Variants in SVIP observed in about 807,000 individuals in gnomAD.
SVIP encodes the protein small VCP/p97-interacting protein.
SVIP carries 14 observed loss-of-function variants against 12.9 expected under a neutral mutation model. The observed-to-expected ratio is 1.08, with a 90% CI of 0.72 to 1.70. The LOEUF (loss-of-function observed/expected upper bound fraction) is 1.70, where lower values mean the gene tolerates loss of function less well. SVIP is among the 40% of genes most tolerant of loss of function. The pLI, the probability that SVIP is intolerant of heterozygous loss-of-function variation, is 0.00. For missense variants in SVIP, 93 were observed against 90.8 expected (o/e 1.02, Z -0.10); for synonymous variants, 35 against 33.3 (o/e 1.05, Z -0.17).
rs1288141377 is a variant in SVIP at position 22,820,800 on chromosome 11, C to T, written c.*2319G>A. On this transcript the variant is annotated 3_prime_UTR_variant, in exon 4 of 4. Transcript: ENST00000354193. ...ATAATTCACAACTTTTGTTAGCAGCCGTTAAGTTTGATTAGTATTAAGCAG... is the reference window on the plus strand; with the variant it reads ...ATAATTCACAACTTTTGTTAGCAGCTGTTAAGTTTGATTAGTATTAAGCAG... 2.0e-5 allele frequency: 3 copies of T among 151,852 alleles called. No homozygotes were observed. Among genetic ancestry groups the T allele is most frequent in the Admixed American group, 6.6e-5 (1 of 15,240 alleles). The allele number at this position is 151,852 out of a possible 1,614,324, so 9.4% of individuals were successfully genotyped here.
At chr11:22,827,766 G>T in intron 2 of SVIP, 58 bp downstream of exon 2, 2 of 1,392,526 alleles carry the variant, frequency 1.4e-6, no homozygotes, top group Non-Finnish European at 9.9e-7. Flanking sequence ...GGACATCTAT[G>T]AAGAATAAAG....
At chr11:22,824,264 C>A (rs992180708) in intron 3 of SVIP, among the ~76,000 whole-genome samples, 1 of 151,932 alleles carries the variant, frequency 6.6e-6, no homozygotes, top group African/African-American at 2.4e-5. Flanking sequence ...AAGGTCTTTT[C>A]CTTCTTGAGT....
rs542083080 is a variant in SVIP, at chr11:22,820,506, G to T, written c.*2613C>A. 2.6e-5 allele frequency: 4 copies of T among 152,226 alleles called. No homozygotes were observed. The South Asian group carries it at 8.3e-4, about 32-fold the overall frequency. The allele number at this position is 152,226 out of a possible 1,614,324, so 9.4% of individuals were successfully genotyped here. A position where few individuals can be genotyped will look rare whatever the true frequency, so the allele number is the denominator to read the frequency against. ...CTGTTGCTCTTCTGAATCCCAATGTGATTAAAATGTTCCTGAGGTTTCCCT... is the reference window on the plus strand; with the variant it reads ...CTGTTGCTCTTCTGAATCCCAATGTTATTAAAATGTTCCTGAGGTTTCCCT... On this transcript the variant is annotated 3_prime_UTR_variant, in exon 4 of 4. Transcript: ENST00000354193.
At position 22,822,834 on chromosome 11, in the gene SVIP, G is replaced by A. The variant is rs1208642716; in HGVS notation, c.*285C>T. On this transcript the variant is annotated 3_prime_UTR_variant, in exon 4 of 4. Coordinates refer to ENST00000354193, the MANE Select transcript of SVIP (RefSeq NM_148893.3). The stretch of plus-strand genomic sequence containing the variant: ...TATATGCAGAATGTTTACATGCAGT[G>A]TATGTATATTCACTATTTAGTTCCA... The A allele has an allele frequency of 5.4e-6, 2 of 368,080 alleles. No individual in the cohort carries two copies. Among genetic ancestry groups the A allele is most frequent in the African/African-American group, 2.1e-5 (1 of 47,766 alleles). The allele number at this position is 368,080 out of a possible 1,614,324, so 22.8% of individuals were successfully genotyped here. A position where few individuals can be genotyped will look rare whatever the true frequency, so the allele number is the denominator to read the frequency against.
At position 22,821,119 on chromosome 11, in the gene SVIP, CAT is replaced by C. The variant is rs1554915317; in HGVS notation, c.*1998_*1999del. The stretch of plus-strand genomic sequence containing the variant: ...GATATTATGTGTATATATATACACA[CAT>C]ATATAATATATATATTATATATATA... On this transcript the variant is annotated 3_prime_UTR_variant, in exon 4 of 4. Coordinates refer to ENST00000354193, the MANE Select transcript of SVIP (RefSeq NM_148893.3). 2.4e-4 allele frequency: 35 copies of C among 146,576 alleles called. No homozygotes were observed. The highest frequency in any genetic ancestry group is 8.4e-4 in the African/African-American group (34 of 40,240). 9.1% of individuals were successfully genotyped at this position (146,576 alleles called of 1,614,324 possible).
intron 3 of SVIP, among the ~76,000 whole-genome samples, chr11:22,826,808 A>C (rs1337128895): frequency 6.6e-6 from 1 of 152,158 alleles, no homozygotes; most frequent in Admixed American, 6.5e-5. Flanking sequence ...CATAAAACAG[A>C]ACTTATAGCG....
In SVIP at chr11:22,824,473, C is replaced by T. The variant is rs993345962; in HGVS notation, c.220-1340G>A. On this transcript the variant is annotated intron_variant, in intron 3 of 3. Coordinates refer to ENST00000354193, the MANE Select transcript of SVIP (RefSeq NM_148893.3). Reference sequence around the variant, plus strand: ...ATATATATATATACACATATATATACGTATATATATATGTATATATATACG... The same window carrying T: ...ATATATATATATACACATATATATATGTATATATATATGTATATATATACG... 2.4e-4 allele frequency among the ~76,000 whole-genome samples: 34 copies of T among 140,942 alleles called. 1 individual carries two copies. The highest frequency in any genetic ancestry group is 1.8e-3 in the South Asian group (8 of 4,438). 92.5% of individuals were successfully genotyped at this position (140,942 alleles called of 152,430 possible).
intron 2 of SVIP, among the ~76,000 whole-genome samples, 169 bp downstream of exon 2, chr11:22,827,655 A>G (rs1438683802): frequency 6.6e-6 from 1 of 152,062 alleles, no homozygotes; most frequent in Non-Finnish European, 1.5e-5. Flanking sequence ...TAAATATATT[A>G]ATGCAATTCA....
chr11:22,826,842 A>C (rs1161222539), intron 3 of SVIP, among the ~76,000 whole-genome samples: 1 of 152,208 alleles, frequency 6.6e-6, no homozygotes, highest in African/African-American at 2.4e-5. Flanking sequence ...TAAGATATAT[A>C]AATGAAGGTT....
chr11:22,819,188 C>G lies in SVIP; in HGVS notation c.*3931G>C. On this transcript the variant is annotated 3_prime_UTR_variant, in exon 4 of 4. Coordinates refer to ENST00000354193, the MANE Select transcript of SVIP (RefSeq NM_148893.3). ...ACCTGAGACACTTGGTATTAACCTA[C>G]TTTAAATATATCTGTTACATTTATA... The G allele has an allele frequency of 1.3e-5, 2 of 152,234 alleles. No homozygotes were observed. The highest frequency in any genetic ancestry group is 1.3e-4 in the Admixed American group (2 of 15,302). 9.4% of individuals were successfully genotyped at this position (152,234 alleles called of 1,614,324 possible). A position where few individuals can be genotyped will look rare whatever the true frequency, so the allele number is the denominator to read the frequency against.
intron 3 of SVIP, among the ~76,000 whole-genome samples, chr11:22,826,883 T>C (rs554877135): frequency 1.3e-5 from 2 of 152,258 alleles, no homozygotes; most frequent in Admixed American, 6.5e-5. Context: ...TGGTACTTAG[T>C]TTGGATGACT....
chr11:22,829,649 G>T, intron 1 of SVIP, 46 bp downstream of exon 1: 1 of 1,544,982 alleles, frequency 6.5e-7, no homozygotes, highest in Non-Finnish European at 8.7e-7. Context: ...CCGAGGACAG[G>T]TGCTCAAGGC....
Position 22,822,987 on chromosome 11 carries a change from C to A in SVIP, c.*132G>T. ...GAAAATCAACGTTTTTTTAGCATTGCACTTAAGGGCAATAATATTACAAAG... is the reference window on the plus strand; with the variant it reads ...GAAAATCAACGTTTTTTTAGCATTGAACTTAAGGGCAATAATATTACAAAG... On this transcript the variant is annotated 3_prime_UTR_variant, in exon 4 of 4. Coordinates refer to ENST00000354193, the MANE Select transcript of SVIP (RefSeq NM_148893.3). The A allele has an allele frequency of 1.4e-6, 1 of 702,302 alleles. No individual in the cohort carries two copies. The highest frequency in any genetic ancestry group is 2.2e-6 in the Non-Finnish European group (1 of 456,672). The allele number at this position is 702,302 out of a possible 1,614,324, so 43.5% of individuals were successfully genotyped here.
chr11:22,827,777 T>C (rs372758601), intron 2 of SVIP, 47 bp downstream of exon 2: 43 of 1,498,992 alleles, frequency 2.9e-5, no homozygotes, highest in Non-Finnish European at 3.6e-5. Flanking sequence ...AAGAATAAAG[T>C]CCAAACTCAA....
chr11:22,827,649 T>C (rs1857767798), intron 2 of SVIP, among the ~76,000 whole-genome samples, 175 bp downstream of exon 2: 1 of 152,034 alleles, frequency 6.6e-6, no homozygotes, highest in Non-Finnish European at 1.5e-5. Flanking sequence ...TTAATATAAA[T>C]ATATTAATGC....
intron 1 of SVIP, 104 bp from the exon 2 acceptor site, chr11:22,827,978 G>T (rs766518365): frequency 2.9e-5 from 24 of 838,786 alleles, no homozygotes; most frequent in Non-Finnish European, 3.9e-5. Context: ...AAAATATTCG[G>T]TACTGGCCCT....
In SVIP at chr11:22,822,517, A is replaced by T. The variant is rs1396303258; in HGVS notation, c.*602T>A. 6.6e-6 allele frequency: 1 copy of T among 152,144 alleles called. No homozygotes were observed. Among genetic ancestry groups the T allele is most frequent in the Non-Finnish European group, 1.5e-5 (1 of 67,986 alleles). The allele number at this position is 152,144 out of a possible 1,614,324, so 9.4% of individuals were successfully genotyped here. ...CCTTTATCATAAAGTAAAACAGGGT[A>T]TGTTAATTTTATAAGCTACATAAAT... is the stretch of plus-strand genomic sequence containing the variant. On this transcript the variant is annotated 3_prime_UTR_variant, in exon 4 of 4. Transcript: ENST00000354193.
intron 3 of SVIP, among the ~76,000 whole-genome samples, chr11:22,826,309 C>T (rs1857700051): frequency 6.6e-6 from 1 of 152,006 alleles, no homozygotes; most frequent in South Asian, 2.1e-4. Flanking sequence ...AGAGTATCTA[C>T]ATGTAGGCAA....
At position 22,820,582 on chromosome 11, in the gene SVIP, T is replaced by C. The variant is rs1857442448; in HGVS notation, c.*2537A>G. ...TTAGGATGTAGTAAAGATAAAATTT[T>C]GTTAAAGAGACAGCTAAAGCTAATT... On this transcript the variant is annotated 3_prime_UTR_variant, in exon 4 of 4. Transcript: ENST00000354193. 6.6e-6 allele frequency: 1 copy of C among 152,206 alleles called. No individual in the cohort carries two copies. The highest frequency in any genetic ancestry group is 2.4e-5 in the African/African-American group (1 of 41,450). 9.4% of individuals were successfully genotyped at this position (152,206 alleles called of 1,614,324 possible).
Sources: allele counts gnomAD v4.1 joint callset (sites outside exome capture counted in the v4.1 genomes callset), GRCh38; gene constraint gnomAD v4.1.1; transcripts MANE v1.5; gene names NCBI Gene and HGNC (gene_info 2026-07-23, HGNC 2026-07-21).